Variants in FGF12 observed in about 807,000 individuals in gnomAD.
FGF12 encodes fibroblast growth factor 12, also known as fibroblast growth factor 12B.
A neutral mutation model predicts 23.6 loss-of-function variants in FGF12; 14 were observed. That is an observed-to-expected ratio of 0.59 (90% CI 0.39 to 0.93). The LOEUF is 0.93. FGF12 is among the 40% of genes least tolerant of loss of function. The pLI, the probability that FGF12 is intolerant of heterozygous loss-of-function variation, is 0.00. For synonymous variants in FGF12, 62 were observed against 77.3 expected (o/e 0.80, Z 1.04); for missense variants, 175 against 217.8 (o/e 0.80, Z 1.24).
intron 2 of FGF12, among the ~76,000 whole-genome samples, chr3:192,432,620 C>CAAAA (rs201364119): frequency 1.1e-3 from 114 of 105,952 alleles, no homozygotes; most frequent in South Asian, 1.6e-3. Flanking sequence ...TGACATCTGG[C>CAAAA]AAAAAAAAAA....
rs929161777 is a variant in FGF12, at chr3:192,727,197, G to C, written c.-4C>G. On this transcript the variant is annotated 5_prime_UTR_variant, in exon 2 of 6. Transcript: ENST00000445105. ...ACCACATACCTTTGCTCTCCATTTCGGTCCCTTTCGAGTGCTGGGAAGTTC... is the reference window on the plus strand; with the variant it reads ...ACCACATACCTTTGCTCTCCATTTCCGTCCCTTTCGAGTGCTGGGAAGTTC... 5.7e-6 allele frequency: 9 copies of C among 1,579,024 alleles called. No individual in the cohort carries two copies. The highest frequency in any genetic ancestry group is 1.7e-4 in the Middle Eastern group (1 of 6,048).
intron 3 of FGF12, among the ~76,000 whole-genome samples, chr3:192,346,442 CTTG>C (rs1050385475): frequency 6.6e-6 from 1 of 152,168 alleles, no homozygotes; most frequent in African/African-American, 2.4e-5. Flanking sequence ...TAAAACCAAA[CTTG>C]TTGATCACTA....
At chr3:192,436,487 CTGCTGATGT>C (rs1311472057) in intron 2 of FGF12, among the ~76,000 whole-genome samples, 1 of 152,188 alleles carries the variant, frequency 6.6e-6, no homozygotes, top group African/African-American at 2.4e-5. Context: ...GCTGCCGATG[CTGCTGATGT>C]GGGGCCCACA....
intron 2 of FGF12, among the ~76,000 whole-genome samples, chr3:192,680,773 T>C (rs892794745): frequency 2.0e-5 from 3 of 152,220 alleles, no homozygotes; most frequent in Non-Finnish European, 4.4e-5. Context: ...TTAGGAAGTA[T>C]ATTCTTGCAT....
chr3:192,251,208 T>C (rs565311605), intron 4 of FGF12, among the ~76,000 whole-genome samples: 1 of 152,196 alleles, frequency 6.6e-6, no homozygotes, highest in Non-Finnish European at 1.5e-5. Flanking sequence ...AACATGTTTC[T>C]CCTAGAAAGA....
At chr3:192,382,562 CAA>C (rs919533049) in intron 2 of FGF12, among the ~76,000 whole-genome samples, 1 of 151,790 alleles carries the variant, frequency 6.6e-6, no homozygotes, top group Non-Finnish European at 1.5e-5. Flanking sequence ...GTATAAAAAA[CAA>C]AGTCAGTCAC....
At position 192,143,341 on chromosome 3, in the gene FGF12, C is replaced by T. The variant is rs560183349; in HGVS notation, c.*668G>A. 14 of 151,764 alleles carry T rather than the reference C, an allele frequency of 9.2e-5. No homozygotes were observed. Among genetic ancestry groups the T allele is most frequent in the Admixed American group, 5.2e-4 (8 of 15,242 alleles). 9.4% of individuals were successfully genotyped at this position (151,764 alleles called of 1,614,324 possible). On this transcript the variant is annotated 3_prime_UTR_variant, in exon 6 of 6. Coordinates refer to ENST00000445105, the MANE Select transcript of FGF12 (RefSeq NM_004113.6). ...AAGAATTAAACTCATTAAGGCTATT[C>T]GATGCCATACAAGATTTTCCTTTTA...
intron 2 of FGF12, among the ~76,000 whole-genome samples, chr3:192,484,315 TAAAAAAAAAAAA>T (rs57914760): frequency 2.0e-5 from 2 of 99,668 alleles, no homozygotes; most frequent in Non-Finnish European, 2.3e-5. Flanking sequence ...TCCATTTTCC[TAAAAAAAAAAAA>T]AAAAAAAAAA....
chr3:192,428,097 T>A (rs937097907), intron 2 of FGF12, among the ~76,000 whole-genome samples: 9 of 152,176 alleles, frequency 5.9e-5, no homozygotes, highest in African/African-American at 2.2e-4. Flanking sequence ...CTTTCTCAAT[T>A]GCAACTTTCT....
At chr3:192,580,212 A>C (rs1157026273) in intron 2 of FGF12, among the ~76,000 whole-genome samples, 1 of 152,118 alleles carries the variant, frequency 6.6e-6, no homozygotes, top group African/African-American at 2.4e-5. Context: ...GCAAGATCTT[A>C]TGCAGTGATT....
At chr3:192,245,679 G>A (rs1268089011) in intron 4 of FGF12, among the ~76,000 whole-genome samples, 1 of 152,172 alleles carries the variant, frequency 6.6e-6, no homozygotes, top group African/African-American at 2.4e-5. Flanking sequence ...TATTCAGGGA[G>A]ACAAGAATAT....
chr3:192,240,938 T>C (rs1719585260), intron 4 of FGF12, among the ~76,000 whole-genome samples: 1 of 152,066 alleles, frequency 6.6e-6, no homozygotes, highest in Admixed American at 6.6e-5. Flanking sequence ...ACAAGCCAAT[T>C]ACGAGGAGGG....
chr3:192,192,258 T>C (rs1274774793), intron 4 of FGF12, among the ~76,000 whole-genome samples: 3 of 152,084 alleles, frequency 2.0e-5, no homozygotes, highest in Admixed American at 1.3e-4. Context: ...TATTTAGCTG[T>C]TGATTATGGA....
At chr3:192,340,644 T>G (rs1416969402) in intron 3 of FGF12, among the ~76,000 whole-genome samples, 2 of 152,140 alleles carry the variant, frequency 1.3e-5, no homozygotes, top group Non-Finnish European at 2.9e-5. Flanking sequence ...TACTCTTGGC[T>G]TCCATAAACC....
chr3:192,618,265 A>T (rs1714838777), intron 2 of FGF12, among the ~76,000 whole-genome samples: 2 of 151,460 alleles, frequency 1.3e-5, no homozygotes, highest in Non-Finnish European at 1.5e-5. Flanking sequence ...AAAAAAAAAA[A>T]TTCTGAAGTC....
At chr3:192,630,267 C>G (rs1398752666) in intron 2 of FGF12, among the ~76,000 whole-genome samples, 2 of 152,186 alleles carry the variant, frequency 1.3e-5, no homozygotes, top group Non-Finnish European at 2.9e-5. Flanking sequence ...TCCTGTACAG[C>G]CTGCAAAACC....
chr3:192,596,060 T>A (rs1271765816), intron 2 of FGF12, among the ~76,000 whole-genome samples: 1 of 129,400 alleles, frequency 7.7e-6, no homozygotes, highest in Non-Finnish European at 1.7e-5. Context: ...ACCACTGTAC[T>A]CCAGCCTGGT....
chr3:192,719,806 A>G (rs1718984895), intron 2 of FGF12, among the ~76,000 whole-genome samples: 1 of 133,314 alleles, frequency 7.5e-6, no homozygotes, highest in South Asian at 2.6e-4. Flanking sequence ...AAAAAAAAAG[A>G]AAAACAAGAA....
chr3:192,675,758 AACAC>A (rs1717306109), intron 2 of FGF12, among the ~76,000 whole-genome samples: 2 of 152,226 alleles, frequency 1.3e-5, no homozygotes, highest in South Asian at 2.1e-4. Context: ...TAGGAATCAA[AACAC>A]ATTATTAAAA....
Sources: allele counts gnomAD v4.1 joint callset (sites outside exome capture counted in the v4.1 genomes callset), GRCh38; gene constraint gnomAD v4.1.1; transcripts MANE v1.5; gene names NCBI Gene and HGNC (gene_info 2026-07-23, HGNC 2026-07-21).